Variants in FHIT observed in about 807,000 individuals in gnomAD.
FHIT encodes the protein bis(5'-adenosyl)-triphosphatase.
Under a neutral mutation model 17.9 loss-of-function variants are expected in FHIT, and 19 were observed. The observed-to-expected ratio is 1.06, with a 90% CI of 0.74 to 1.56. FHIT has a LOEUF of 1.56. Ranked by LOEUF, FHIT falls within the 40% of genes most tolerant of loss-of-function variation. The pLI is 0.00. For synonymous variants in FHIT, 81 were observed against 69.7 expected (o/e 1.16, Z -0.81); for missense variants, 248 against 189.2 (o/e 1.31, Z -1.82).
chr3:60,921,903 A>C (rs1472712027), intron 3 of FHIT, among the ~76,000 whole-genome samples: 1 of 152,216 alleles, frequency 6.6e-6, no homozygotes, highest in Non-Finnish European at 1.5e-5. Context: ...GTGTAATAAT[A>C]GTAATTTAAT....
At chr3:59,912,690 G>A (rs1270790434) in intron 8 of FHIT, among the ~76,000 whole-genome samples, 1 of 152,080 alleles carries the variant, frequency 6.6e-6, no homozygotes, top group South Asian at 2.1e-4. Context: ...TTTTTTAGAG[G>A]GAAAATATAT....
At chr3:61,209,244 T>TAAG (rs2039367937) in intron 1 of FHIT, among the ~76,000 whole-genome samples, 3 of 152,252 alleles carry the variant, frequency 2.0e-5, no homozygotes, top group Admixed American at 2.0e-4. Context: ...CTGGCTGCCC[T>TAAG]TAAAATTTTT....
intron 2 of FHIT, among the ~76,000 whole-genome samples, chr3:61,055,935 C>G (rs7640076): frequency 0.6 from 90,564 of 152,000 alleles, 28,157 homozygotes; most frequent in Non-Finnish European, 0.69. Context: ...CATCAGGGTA[C>G]GGTCTCCATC....
At chr3:60,121,711 C>CAAAACAA (rs71909078) in intron 5 of FHIT, among the ~76,000 whole-genome samples, 2 of 71,554 alleles carry the variant, frequency 2.8e-5, no homozygotes, top group Admixed American at 3.3e-4. Flanking sequence ...ACAAAACAAA[C>CAAAACAA]ACACACACAC....
chr3:59,756,031 A>C (rs1203222374), intron 8 of FHIT, among the ~76,000 whole-genome samples: 1 of 152,172 alleles, frequency 6.6e-6, no homozygotes, highest in Admixed American at 6.5e-5. Flanking sequence ...TGCCTGACAC[A>C]TAGTTAAGTG....
At chr3:60,947,176 A>G (rs1270981492) in intron 3 of FHIT, among the ~76,000 whole-genome samples, 3 of 152,188 alleles carry the variant, frequency 2.0e-5, no homozygotes, top group East Asian at 1.9e-4. Context: ...GCACAATAGC[A>G]TCAGCATTTC....
At chr3:61,008,474 T>TTC (rs2031589230) in intron 3 of FHIT, among the ~76,000 whole-genome samples, 1 of 151,126 alleles carries the variant, frequency 6.6e-6, no homozygotes, top group African/African-American at 2.4e-5. Flanking sequence ...AGTCTGGGGC[T>TTC]AGGAAGAAAA....
chr3:60,190,071 G>C (rs1018514201), intron 5 of FHIT, among the ~76,000 whole-genome samples: 2 of 152,132 alleles, frequency 1.3e-5, no homozygotes, highest in Non-Finnish European at 2.9e-5. Flanking sequence ...TTTCAGTAGG[G>C]AAAAACTATT....
chr3:59,969,183 C>A (rs2220240), intron 7 of FHIT, among the ~76,000 whole-genome samples: 4 of 152,150 alleles, frequency 2.6e-5, no homozygotes, highest in African/African-American at 9.6e-5. Context: ...CCAAAGGGAT[C>A]TGAGCTGTTC....
At chr3:60,937,749 A>G (rs1553773469) in intron 3 of FHIT, among the ~76,000 whole-genome samples, 1 of 151,784 alleles carries the variant, frequency 6.6e-6, no homozygotes, top group Non-Finnish European at 1.5e-5. Context: ...TTTTTAGTAG[A>G]GATGGGGTTT....
At chr3:60,647,976 G>A (rs193212634) in intron 4 of FHIT, among the ~76,000 whole-genome samples, 423 of 152,282 alleles carry the variant, frequency 2.8e-3, no homozygotes, top group Middle Eastern at 0.014. Context: ...ATGTTAACAA[G>A]AGTTTGTGGG....
chr3:60,264,466 C>T (rs1396010202), intron 5 of FHIT, among the ~76,000 whole-genome samples: 1 of 145,030 alleles, frequency 6.9e-6, no homozygotes, highest in Non-Finnish European at 1.6e-5. Context: ...AAATACTCAA[C>T]TTAAGAAAAG....
intron 3 of FHIT, among the ~76,000 whole-genome samples, chr3:61,037,448 G>C (rs76557406): frequency 0.014 from 2,169 of 152,276 alleles, 28 homozygotes; most frequent in South Asian, 0.038. Context: ...GATGGTACAT[G>C]AGTGGTTTTC....
intron 1 of FHIT, among the ~76,000 whole-genome samples, chr3:61,238,915 A>C (rs2040297522): frequency 6.6e-6 from 1 of 152,210 alleles, no homozygotes. Context: ...GTGATACCGC[A>C]TTAGGGGGCA....
intron 3 of FHIT, among the ~76,000 whole-genome samples, chr3:60,947,321 A>G (rs1553775957): frequency 6.6e-6 from 1 of 152,206 alleles, no homozygotes; most frequent in African/African-American, 2.4e-5. Flanking sequence ...TGTAAGAATT[A>G]TTTCTTCTCC....
intron 5 of FHIT, among the ~76,000 whole-genome samples, chr3:60,186,346 C>A (rs762824152): frequency 2.2e-4 from 33 of 152,190 alleles, no homozygotes; most frequent in Non-Finnish European, 4.0e-4. Context: ...AGTGGATGTT[C>A]AACTGTTCTA....
chr3:60,544,134 C>G (rs372167936), intron 4 of FHIT, among the ~76,000 whole-genome samples: 2 of 151,582 alleles, frequency 1.3e-5, no homozygotes, highest in African/African-American at 4.9e-5. Context: ...TTCCTACTTT[C>G]ATGTTTCTTT....
chr3:60,096,130 A>G (rs1442814248), intron 5 of FHIT, among the ~76,000 whole-genome samples: 1 of 152,116 alleles, frequency 6.6e-6, no homozygotes. Flanking sequence ...TGGCCCGCCC[A>G]CTTAGCCCGC....
chr3:60,624,572 G>T (rs369636829), intron 4 of FHIT, among the ~76,000 whole-genome samples: 1 of 152,176 alleles, frequency 6.6e-6, no homozygotes, highest in South Asian at 2.1e-4. Context: ...AAATATTCAA[G>T]AAGGGTGGGA....
Sources: gnomAD v4.1 joint callset for allele counts (sites outside exome capture counted in the v4.1 genomes callset) on GRCh38, gnomAD v4.1.1 for gene constraint, MANE v1.5 for transcripts, NCBI Gene and HGNC (gene_info 2026-07-23, HGNC 2026-07-21) for gene names.